KDM1B: variants seen among roughly 807,000 people sequenced by gnomAD.
The protein encoded by KDM1B is lysine-specific histone demethylase 2.
KDM1B carries 63 observed loss-of-function variants against 107.4 expected under a neutral mutation model. The observed-to-expected ratio is 0.59, with a 90% CI of 0.48 to 0.72. The LOEUF (loss-of-function observed/expected upper bound fraction) is 0.72, where lower values mean the gene tolerates loss of function less well. KDM1B is among the 30% of genes least tolerant of loss of function. The pLI is 0.00. For missense variants in KDM1B, 749 were observed against 1,020.8 expected, an observed-to-expected ratio of 0.73 and a Z score of 3.63; for synonymous variants, 363 against 363.9, an observed-to-expected ratio of 1.00 and a Z score of 0.03.
At chr6:18,167,268 A>C (rs888935436) in intron 6 of KDM1B, among the ~76,000 whole-genome samples, 1 of 151,678 alleles carries the variant, frequency 6.6e-6, no homozygotes, top group Admixed American at 6.6e-5. Flanking sequence ...GAGGCAGGAG[A>C]ATCGCTTGAA....
chr6:18,157,441 G>A (rs1582064588), intron 2 of KDM1B, among the ~76,000 whole-genome samples: 1 of 152,188 alleles, frequency 6.6e-6, no homozygotes. Flanking sequence ...TAAAATGTTT[G>A]ATGAAATTTC....
chr6:18,167,943 A>G (rs943107893), intron 6 of KDM1B, among the ~76,000 whole-genome samples: 1 of 151,572 alleles, frequency 6.6e-6, no homozygotes, highest in Non-Finnish European at 1.5e-5. Context: ...TTAATTCTTT[A>G]TAGAGACAGG....
At chr6:18,171,039 C>T (rs528989243) in intron 6 of KDM1B, among the ~76,000 whole-genome samples, 36 of 152,084 alleles carry the variant, frequency 2.4e-4, no homozygotes, top group African/African-American at 7.7e-4. Context: ...CCAGGATGGT[C>T]TGGATTTCCT....
At chr6:18,165,280 G>A (rs1785224188) in intron 5 of KDM1B, among the ~76,000 whole-genome samples, 1 of 151,372 alleles carries the variant, frequency 6.6e-6, no homozygotes, top group South Asian at 2.1e-4. Context: ...ACAGGCACCC[G>A]CTACCACACC....
rs776128797 is a variant in KDM1B, at chr6:18,222,405, C to G, written c.*413C>G. On this transcript the variant is annotated 3_prime_UTR_variant, in exon 22 of 22. Transcript: ENST00000650836. The stretch of plus-strand genomic sequence containing the variant: ...AAAAACCAGATAAAGCCATGTTTTT[C>G]TTCTGTGACAATTTATCAGTATCTT... 8.5e-5 allele frequency: 26 copies of G among 304,988 alleles called. No individual in the cohort carries two copies. The highest frequency in any genetic ancestry group is 2.4e-4 in the Admixed American group (5 of 20,986). The allele number at this position is 304,988 out of a possible 1,614,324, so 18.9% of individuals were successfully genotyped here.
In KDM1B at chr6:18,191,567, C is replaced by T. The variant is rs1338635268; in HGVS notation, c.969+186C>T. On this transcript the variant is annotated intron_variant, in intron 10 of 21. Transcript: ENST00000650836. This position sits in a 1 kb window ranked among gnomAD's most constrained non-coding sequence, Gnocchi z 5.1. ...TGCACTGTAGGATATTTAGCAAGAT[C>T]CCTGGCTTCTACCCACTAGATTCCA... Among the ~76,000 whole-genome samples, 3 of 152,136 alleles carry T rather than the reference C, an allele frequency of 2.0e-5. No homozygotes were observed. Among genetic ancestry groups the T allele is most frequent in the Non-Finnish European group, 4.4e-5 (3 of 68,032 alleles).
At chr6:18,179,252 A>G (rs1326947920) in intron 7 of KDM1B, among the ~76,000 whole-genome samples, 1 of 152,124 alleles carries the variant, frequency 6.6e-6, no homozygotes, top group Non-Finnish European at 1.5e-5. Context: ...AAAAAAATCC[A>G]TTTGTTTTTA....
intron 7 of KDM1B, among the ~76,000 whole-genome samples, chr6:18,183,448 CG>C (rs1786623739): frequency 6.6e-6 from 1 of 151,584 alleles, no homozygotes; most frequent in African/African-American, 2.4e-5. Flanking sequence ...TTAGTAGAGA[CG>C]GGGTTTCATC....
intron 10 of KDM1B, among the ~76,000 whole-genome samples, chr6:18,192,738 C>CAAA (rs534083654): frequency 0.12 from 14,891 of 124,922 alleles, 877 homozygotes; most frequent in South Asian, 0.24. Flanking sequence ...GATCCCGTCT[C>CAAA]AAAAAAAAAA....
Position 18,205,583 on chromosome 6 carries a change from C to A in KDM1B, c.1578C>A (p.Ile526=), listed in dbSNP as rs1359022350. 1.3e-6 allele frequency: 2 copies of A among 1,546,370 alleles called. No homozygotes were observed. The highest frequency in any genetic ancestry group is 1.4e-5 in the African/African-American group (1 of 72,622). ...AGGCATTTATTAAGGAATCTGGTAT[C>A]CAATTCAGTGAGCTGGAGGGACAGG... is the stretch of plus-strand genomic sequence containing the variant. ...IYKAFIKESG[I]QFSELEGQVL... Residue 526 remains isoleucine, a synonymous_variant, in exon 15 of 22, where the codon ATC becomes ATA. Coordinates refer to ENST00000650836, the MANE Select transcript of KDM1B (RefSeq NM_001364614.2). This position sits in a 1 kb window ranked among gnomAD's most constrained non-coding sequence, Gnocchi z 5.7.
At chr6:18,217,906 C>T (rs1180504309) in intron 21 of KDM1B, 21 bp downstream of exon 21, 1 of 1,598,164 alleles carries the variant, frequency 6.3e-7, no homozygotes, top group Admixed American at 1.8e-5. Context: ...TGATTCCAAA[C>T]CCAATTATTT....
chr6:18,201,118 AC>A lies in KDM1B; in HGVS notation c.1360-367del, dbSNP rs1788000556. Among the ~76,000 whole-genome samples, 1 of 152,214 alleles carries A rather than the reference AC, an allele frequency of 6.6e-6. No homozygotes were observed. Reference sequence around the variant, plus strand: ...TTTATTGATGGTCAATTCAATTTCAACTTCTGCTATGAGTGTTTGTGTGTTT... The same window carrying A: ...TTTATTGATGGTCAATTCAATTTCAATTCTGCTATGAGTGTTTGTGTGTTT... On this transcript the variant is annotated intron_variant, in intron 13 of 21. Transcript: ENST00000650836. This position sits in a 1 kb window ranked among gnomAD's most constrained non-coding sequence, Gnocchi z 4.3.
At chr6:18,180,961 G>T (rs1786429641) in intron 7 of KDM1B, among the ~76,000 whole-genome samples, 1 of 152,186 alleles carries the variant, frequency 6.6e-6, no homozygotes, top group Admixed American at 6.6e-5. Flanking sequence ...GCTGACAATT[G>T]AGTGGACAAC....
chr6:18,155,863 A>G lies in KDM1B; in HGVS notation c.-57-20A>G, dbSNP rs1477317374. ...GTTGCCGGTCGGCTAACCCCCCTAC[A>G]ATGTTTCCTTTCTGTACAGCGGTGC... On this transcript the variant is annotated intron_variant, in intron 1 of 21. Transcript: ENST00000650836. This position sits in a 1 kb window ranked among gnomAD's most constrained non-coding sequence, Gnocchi z 6.2. 6.6e-6 allele frequency: 1 copy of G among 151,920 alleles called. No homozygotes were observed. The highest frequency in any genetic ancestry group is 1.5e-5 in the Non-Finnish European group (1 of 68,034). The allele number at this position is 151,920 out of a possible 1,614,324, so 9.4% of individuals were successfully genotyped here.
At chr6:18,156,916 C>CA (rs998120970) in intron 2 of KDM1B, among the ~76,000 whole-genome samples, 6 of 150,936 alleles carry the variant, frequency 4.0e-5, no homozygotes, top group South Asian at 2.1e-4. Flanking sequence ...GACTCCGTCT[C>CA]AAAAAAAAGA....
At position 18,209,028 on chromosome 6, in the gene KDM1B, C is replaced by T. The variant is rs951487627; in HGVS notation, c.1866+822C>T. 6.6e-6 allele frequency among the ~76,000 whole-genome samples: 1 copy of T among 152,042 alleles called. No individual in the cohort carries two copies. Among genetic ancestry groups the T allele is most frequent in the African/African-American group, 2.4e-5 (1 of 41,396 alleles). Reference sequence around the variant, plus strand: ...TATTTTACTTTTATTCTGTGCTCTCCACATTTTTTTAAACCACGGAATCCT... The same window carrying T: ...TATTTTACTTTTATTCTGTGCTCTCTACATTTTTTTAAACCACGGAATCCT... On this transcript the variant is annotated intron_variant, in intron 17 of 21. Transcript: ENST00000650836. The surrounding 1 kb of genome is among the most constrained non-coding windows in gnomAD (Gnocchi z 4.3).
At chr6:18,210,350 T>TCTCTTTC (rs1788754116) in intron 17 of KDM1B, among the ~76,000 whole-genome samples, 2 of 45,510 alleles carry the variant, frequency 4.4e-5, no homozygotes, top group Non-Finnish European at 8.3e-5. Flanking sequence ...TTCTTTTTTT[T>TCTCTTTC]TTTTTTTTTT....
chr6:18,193,101 A>G (rs1787387610), intron 10 of KDM1B, among the ~76,000 whole-genome samples: 1 of 150,488 alleles, frequency 6.6e-6, no homozygotes, highest in Non-Finnish European at 1.5e-5. Context: ...AGGCTGAGGC[A>G]GGAGAATCGC....
chr6:18,195,651 T>TGC (rs1787593180), intron 10 of KDM1B, among the ~76,000 whole-genome samples: 1 of 148,572 alleles, frequency 6.7e-6, no homozygotes, highest in African/African-American at 2.5e-5. Context: ...AGGAAAATCA[T>TGC]TTGAACCCGG....
Sources: allele counts gnomAD v4.1 joint callset (sites outside exome capture counted in the v4.1 genomes callset), GRCh38; gene constraint gnomAD v4.1.1; non-coding constraint Gnocchi (gnomAD v3.1); transcripts MANE v1.5; gene names NCBI Gene and HGNC (gene_info 2026-07-23, HGNC 2026-07-21).